Variants in KDM2A observed in about 807,000 individuals in gnomAD.
KDM2A encodes the protein lysine demethylase 2A.
KDM2A carries 3 observed loss-of-function variants against 137.3 expected under a neutral mutation model. That is an observed-to-expected ratio of 0.02 (90% CI 0.01 to 0.06). The LOEUF is 0.06. KDM2A is among the 10% of genes least tolerant of loss of function. The pLI is 1.00. For missense variants in KDM2A, 738 were observed against 1,510.6 expected, an observed-to-expected ratio of 0.49 and a Z score of 8.48; for synonymous variants, 512 against 541.5, an observed-to-expected ratio of 0.95 and a Z score of 0.76.
chr11:67,157,919 A>G (rs978218241), intron 2 of KDM2A, among the ~76,000 whole-genome samples: 2 of 152,166 alleles, frequency 1.3e-5, no homozygotes, highest in African/African-American at 2.4e-5. Context: ...GTGAGACCCC[A>G]TCGCAAAAGA....
At chr11:67,203,019 GA>G (rs1857683743) in intron 5 of KDM2A, among the ~76,000 whole-genome samples, 1 of 144,834 alleles carries the variant, frequency 6.9e-6, no homozygotes, top group Non-Finnish European at 1.5e-5. Context: ...AAAAAAAAAA[GA>G]AAAACGGTTT....
chr11:67,196,328 T>G (rs979970988), intron 5 of KDM2A: 6 of 455,938 alleles, frequency 1.3e-5, no homozygotes, highest in Non-Finnish European at 2.6e-5. Context: ...TTTTAAGAGA[T>G]GAGGTCTCAC....
At chr11:67,201,789 A>G (rs1331280491) in intron 5 of KDM2A, among the ~76,000 whole-genome samples, 1 of 146,622 alleles carries the variant, frequency 6.8e-6, no homozygotes, top group Non-Finnish European at 1.5e-5. Flanking sequence ...AAAAAAAAAA[A>G]AAAAAAAAAA....
At chr11:67,244,903 G>A (rs1204075803) in intron 13 of KDM2A, among the ~76,000 whole-genome samples, 4 of 151,766 alleles carry the variant, frequency 2.6e-5, no homozygotes, top group South Asian at 2.1e-4. Context: ...GGAGAATGGC[G>A]GGAACCCGGG....
chr11:67,154,123 G>A (rs916831378), intron 2 of KDM2A, among the ~76,000 whole-genome samples: 1 of 152,046 alleles, frequency 6.6e-6, no homozygotes, highest in South Asian at 2.1e-4. Flanking sequence ...TTCAGTCCAC[G>A]TTTATGCATT....
intron 11 of KDM2A, among the ~76,000 whole-genome samples, chr11:67,230,940 A>G (rs1858694949): frequency 6.6e-6 from 1 of 152,034 alleles, no homozygotes; most frequent in Non-Finnish European, 1.5e-5. Context: ...ACAAAAAAAA[A>G]AAGTTTTTTG....
chr11:67,233,679 A>G (rs1858789029), intron 12 of KDM2A, among the ~76,000 whole-genome samples: 1 of 144,152 alleles, frequency 6.9e-6, no homozygotes, highest in South Asian at 2.3e-4. Context: ...AATCCATTGG[A>G]GTAGTTTAAC....
intron 11 of KDM2A, among the ~76,000 whole-genome samples, chr11:67,228,832 G>C (rs1858626084): frequency 6.6e-6 from 1 of 152,032 alleles, no homozygotes; most frequent in Non-Finnish European, 1.5e-5. Flanking sequence ...AAACTCCTGG[G>C]CTCAAGCAAT....
chr11:67,253,394 C>G, intron 18 of KDM2A, 59 bp from the exon 19 acceptor site: 1 of 1,470,274 alleles, frequency 6.8e-7, no homozygotes, highest in Middle Eastern at 1.7e-4. Flanking sequence ...CAGATCGTTA[C>G]GGCTCTGAGT....
intron 9 of KDM2A, among the ~76,000 whole-genome samples, chr11:67,218,085 A>G (rs529668973): frequency 2.6e-4 from 39 of 152,208 alleles, no homozygotes; most frequent in Non-Finnish European, 4.7e-4. Flanking sequence ...CCAATAAAGT[A>G]TATGAGAATT....
At chr11:67,122,971 G>A (rs1269025476) in intron 2 of KDM2A, among the ~76,000 whole-genome samples, 1 of 151,788 alleles carries the variant, frequency 6.6e-6, no homozygotes, top group African/African-American at 2.4e-5. Context: ...CACTGCATCT[G>A]GCCTTTTATT....
chr11:67,217,536 G>A, intron 8 of KDM2A, 195 bp from the exon 9 acceptor site: 1 of 592,878 alleles, frequency 1.7e-6, no homozygotes. Flanking sequence ...AATGCTGTTG[G>A]ATCAAGTGAA....
At chr11:67,156,456 C>T (rs1366646582) in intron 2 of KDM2A, among the ~76,000 whole-genome samples, 2 of 151,730 alleles carry the variant, frequency 1.3e-5, no homozygotes, top group Admixed American at 6.6e-5. Flanking sequence ...CGGTGGCTCT[C>T]GGCTGTAATC....
At chr11:67,221,737 A>G (rs1227766687) in intron 10 of KDM2A, among the ~76,000 whole-genome samples, 2 of 152,110 alleles carry the variant, frequency 1.3e-5, no homozygotes, top group Non-Finnish European at 1.5e-5. Context: ...TGAGAGCCCA[A>G]AGTGGGAGGA....
At chr11:67,168,695 A>G (rs1025075897) in intron 2 of KDM2A, among the ~76,000 whole-genome samples, 23 of 149,104 alleles carry the variant, frequency 1.5e-4, no homozygotes, top group African/African-American at 2.4e-4. Flanking sequence ...ATGTCCGTCT[A>G]TCCACATATG....
intron 2 of KDM2A, among the ~76,000 whole-genome samples, chr11:67,154,767 A>G (rs1856476271): frequency 6.6e-6 from 1 of 152,186 alleles, no homozygotes; most frequent in Non-Finnish European, 1.5e-5. Context: ...GGAATCATAC[A>G]ATATACTGTA....
chr11:67,187,832 C>A (rs2136345093), intron 5 of KDM2A, among the ~76,000 whole-genome samples: 1 of 152,240 alleles, frequency 6.6e-6, no homozygotes, highest in South Asian at 2.1e-4. Context: ...CCTGGGCCTT[C>A]CAAGGTGCTG....
At chr11:67,122,157 T>C (rs1230762235) in intron 2 of KDM2A, among the ~76,000 whole-genome samples, 1 of 152,146 alleles carries the variant, frequency 6.6e-6, no homozygotes, top group East Asian at 1.9e-4. Flanking sequence ...GCGACAGAAT[T>C]GTATGTAGTA....
At chr11:67,181,730 A>G (rs1414059104) in intron 4 of KDM2A, 116 bp from the exon 5 acceptor site, 12 of 786,944 alleles carry the variant, frequency 1.5e-5, no homozygotes, top group South Asian at 6.5e-5. Context: ...AATAATTTCA[A>G]ACCTGATTGT....
Sources: gnomAD v4.1 joint callset for allele counts (sites outside exome capture counted in the v4.1 genomes callset) on GRCh38, gnomAD v4.1.1 for gene constraint, MANE v1.5 for transcripts, NCBI Gene and HGNC (gene_info 2026-07-23, HGNC 2026-07-21) for gene names.